The following TBX15 variants were observed in gnomAD, a reference collection of about 807,000 sequenced individuals.
TBX15 encodes T-box transcription factor TBX15.
TBX15 carries 18 observed loss-of-function variants against 53.9 expected under a neutral mutation model. The ratio of observed to expected loss-of-function variants is 0.33; its 90% CI spans 0.23 to 0.49. TBX15 has a LOEUF of 0.49. Ranked by LOEUF, TBX15 falls within the 20% of genes least tolerant of loss-of-function variation. TBX15 has a pLI of 0.98. For missense variants in TBX15, 692 were observed against 749.5 expected, an observed-to-expected ratio of 0.92 and a Z score of 0.90; for synonymous variants, 295 against 278.0, an observed-to-expected ratio of 1.06 and a Z score of -0.61.
At chr1:118,957,559 G>A (rs990263003) in intron 1 of TBX15, among the ~76,000 whole-genome samples, 3 of 152,186 alleles carry the variant, frequency 2.0e-5, no homozygotes, top group Admixed American at 6.5e-5. Flanking sequence ...CCATGTTGGT[G>A]TGCTGCACCC....
intron 1 of TBX15, among the ~76,000 whole-genome samples, chr1:118,940,128 G>A (rs1171723429): frequency 6.6e-6 from 1 of 151,828 alleles, no homozygotes; most frequent in Non-Finnish European, 1.5e-5. Context: ...CAGAGTTAAC[G>A]CTCAGGCTGC....
At chr1:118,975,656 G>A (rs1337015866) in intron 1 of TBX15, among the ~76,000 whole-genome samples, 2 of 152,160 alleles carry the variant, frequency 1.3e-5, no homozygotes, top group African/African-American at 4.8e-5. Flanking sequence ...GGTAAAATGG[G>A]GAAAGAATTA....
intron 6 of TBX15, among the ~76,000 whole-genome samples, chr1:118,899,376 C>T (rs1447903521): frequency 6.6e-6 from 1 of 152,118 alleles, no homozygotes; most frequent in Non-Finnish European, 1.5e-5. Flanking sequence ...TTCTGACCCT[C>T]CTTTAAATGA....
intron 1 of TBX15, among the ~76,000 whole-genome samples, chr1:118,949,650 T>C (rs1008955521): frequency 3.9e-5 from 6 of 152,366 alleles, no homozygotes; most frequent in Admixed American, 1.3e-4. Context: ...AGAAACCCAA[T>C]GTCCTTGGCA....
At chr1:118,885,707 A>T (rs1260545863) in intron 7 of TBX15, among the ~76,000 whole-genome samples, 191 bp from the exon 8 acceptor site, 1 of 151,120 alleles carries the variant, frequency 6.6e-6, no homozygotes, top group African/African-American at 2.5e-5. Flanking sequence ...ACAGTCATAC[A>T]GTCTCTCACA....
intron 1 of TBX15, among the ~76,000 whole-genome samples, chr1:118,975,499 G>C (rs1657393884): frequency 6.6e-6 from 1 of 152,172 alleles, no homozygotes; most frequent in Non-Finnish European, 1.5e-5. Context: ...ATCATCTACA[G>C]GGCAGGCAAT....
chr1:118,987,906 C>CGGACG lies in TBX15; in HGVS notation c.-116_-112dup. 1 of 1,367,778 alleles carries CGGACG rather than the reference C, an allele frequency of 7.3e-7. No homozygotes were observed. The highest frequency in any genetic ancestry group is 9.9e-7 in the Non-Finnish European group (1 of 1,009,324). 84.7% of individuals were successfully genotyped at this position (1,367,778 alleles called of 1,614,324 possible). The stretch of plus-strand genomic sequence containing the variant: ...CGGCCCGGGAGAGGCGGAGGCGCGT[C>CGGACG]GGACGAGGCTGAGACTGCGGCTCGC... On this transcript the variant is annotated 5_prime_UTR_variant, in exon 1 of 8. Transcript: ENST00000369429.
chr1:118,982,901 C>A (rs550984230), intron 1 of TBX15, among the ~76,000 whole-genome samples: 1 of 152,274 alleles, frequency 6.6e-6, no homozygotes, highest in South Asian at 2.1e-4. Flanking sequence ...AAGCTCAGAG[C>A]CCAAATATAG....
At position 118,918,263 on chromosome 1, in the gene TBX15, G is replaced by A. The variant is rs115091789; in HGVS notation, c.862-4084C>T. ...ATGTTTACTAAATGTAACTCCCCCC[G>A]GACCACAGGTAGGAACCATGTCTAT... is the stretch of plus-strand genomic sequence containing the variant. On this transcript the variant is annotated intron_variant, in intron 5 of 7. Transcript: ENST00000369429. Among the ~76,000 whole-genome samples the A allele has an allele frequency of 4.7e-4, 71 of 151,942 alleles. 1 individual carries two copies. Among genetic ancestry groups the A allele is most frequent in the African/African-American group, 1.5e-3 (61 of 41,412 alleles).
At chr1:118,889,972 A>G (rs1410986239) in intron 7 of TBX15, among the ~76,000 whole-genome samples, 1 of 152,148 alleles carries the variant, frequency 6.6e-6, no homozygotes, top group Admixed American at 6.5e-5. Flanking sequence ...TCTATGAGAG[A>G]AGAGTGAAGG....
In TBX15 at chr1:118,923,964, G is replaced by C. The variant is rs143485257; in HGVS notation, c.694-361C>G. 8.2e-3 allele frequency among the ~76,000 whole-genome samples: 1,248 copies of C among 152,272 alleles called. 22 individuals are homozygous for C. The highest frequency in any genetic ancestry group is 0.029 in the African/African-American group (1,185 of 41,546). On this transcript the variant is annotated intron_variant, in intron 4 of 7. Coordinates refer to ENST00000369429, the MANE Select transcript of TBX15 (RefSeq NM_001330677.2). Reference sequence around the variant, plus strand: ...CAAATTTTCAGCATGTATTCATGCTGTCTTTAAATTCTACATCCTATTATT... The same window carrying C: ...CAAATTTTCAGCATGTATTCATGCTCTCTTTAAATTCTACATCCTATTATT...
intron 2 of TBX15, 79 bp from the exon 3 acceptor site, chr1:118,926,690 T>G (rs1464915709): frequency 1.5e-5 from 19 of 1,233,496 alleles, no homozygotes; most frequent in African/African-American, 5.9e-5. Context: ...ACAATGTGGG[T>G]TTTTTTGTTT....
chr1:118,940,202 C>T (rs895155392), intron 1 of TBX15, among the ~76,000 whole-genome samples: 1 of 151,874 alleles, frequency 6.6e-6, no homozygotes, highest in Non-Finnish European at 1.5e-5. Context: ...AAAATTCAAA[C>T]GAAGGTCTGA....
At chr1:118,931,003 A>G (rs1655763928) in intron 2 of TBX15, among the ~76,000 whole-genome samples, 1 of 152,270 alleles carries the variant, frequency 6.6e-6, no homozygotes, top group Non-Finnish European at 1.5e-5. Flanking sequence ...TAACTATGGA[A>G]AGTTGAAACA....
chr1:118,891,211 C>T (rs1438994595), intron 7 of TBX15, among the ~76,000 whole-genome samples: 1 of 152,172 alleles, frequency 6.6e-6, no homozygotes, highest in Non-Finnish European at 1.5e-5. Flanking sequence ...TATGCACAGA[C>T]CTAAACTCCT....
At chr1:118,949,722 G>T (rs150533190) in intron 1 of TBX15, among the ~76,000 whole-genome samples, 1 of 152,332 alleles carries the variant, frequency 6.6e-6, no homozygotes, top group East Asian at 1.9e-4. Flanking sequence ...AGAAAGAGCT[G>T]CTACTTTTCC....
chr1:118,939,742 T>TA lies in TBX15; in HGVS notation c.206-7911dup, dbSNP rs550617350. ...AAATTTCAAGTATAAGGTGAAATTA[T>TA]AAAAAAACTTTGCTTTAGCCTAGAA... On this transcript the variant is annotated intron_variant, in intron 1 of 7. Coordinates refer to ENST00000369429, the MANE Select transcript of TBX15 (RefSeq NM_001330677.2). Among the ~76,000 whole-genome samples, 61 of 151,852 alleles carry TA rather than the reference T, an allele frequency of 4.0e-4. 2 individuals carry two copies. In the East Asian group the frequency reaches 9.1e-3, roughly 23 times the overall value.
intron 1 of TBX15, among the ~76,000 whole-genome samples, chr1:118,938,563 G>A (rs1656040206): frequency 6.6e-6 from 1 of 152,162 alleles, no homozygotes; most frequent in Admixed American, 6.6e-5. Context: ...TAAGTTATTT[G>A]AAAAAGATTC....
chr1:118,925,641 G>A (rs946027514), intron 3 of TBX15, among the ~76,000 whole-genome samples: 1 of 152,130 alleles, frequency 6.6e-6, no homozygotes, highest in Admixed American at 6.5e-5. Context: ...CCTGGACCCT[G>A]AGAAATAGAG....
Sources: gnomAD v4.1 joint callset for allele counts (sites outside exome capture counted in the v4.1 genomes callset) on GRCh38, gnomAD v4.1.1 for gene constraint, MANE v1.5 for transcripts, NCBI Gene and HGNC (gene_info 2026-07-23, HGNC 2026-07-21) for gene names.